VWA8: variants seen among roughly 807,000 people sequenced by gnomAD.
VWA8 encodes von Willebrand factor A domain-containing protein 8.
VWA8 carries 221 observed loss-of-function variants against 241.5 expected under a neutral mutation model. The observed-to-expected ratio is 0.91, with a 90% CI of 0.82 to 1.02. The LOEUF (loss-of-function observed/expected upper bound fraction) is 1.02, where lower values mean the gene tolerates loss of function less well. VWA8 is among the 50% of genes least tolerant of loss of function. The pLI, the probability that VWA8 is intolerant of heterozygous loss-of-function variation, is 0.00. For missense variants in VWA8, 2,322 were observed against 2,328.7 expected, an observed-to-expected ratio of 1.00 and a Z score of 0.06; for synonymous variants, 852 against 827.1, an observed-to-expected ratio of 1.03 and a Z score of -0.52.
chr13:41,929,048 A>C (rs535372185), intron 2 of VWA8, among the ~76,000 whole-genome samples: 1 of 152,266 alleles, frequency 6.6e-6, no homozygotes, highest in Non-Finnish European at 1.5e-5. Context: ...ACAGATAGAA[A>C]AAACAATCCT....
chr13:41,949,682 A>G (rs1218333463), intron 2 of VWA8, among the ~76,000 whole-genome samples: 1 of 152,172 alleles, frequency 6.6e-6, no homozygotes, highest in Admixed American at 6.5e-5. Flanking sequence ...TAAAAAAGAA[A>G]CAGTAGGATG....
intron 2 of VWA8, among the ~76,000 whole-genome samples, chr13:41,915,293 C>T (rs8002188): frequency 0.021 from 3,151 of 152,302 alleles, 110 homozygotes; most frequent in African/African-American, 0.069. Context: ...TGCCTTAAGG[C>T]ACATCTGACT....
At chr13:41,622,225 G>A (rs542164828) in intron 37 of VWA8, among the ~76,000 whole-genome samples, 2 of 152,246 alleles carry the variant, frequency 1.3e-5, no homozygotes, top group South Asian at 4.1e-4. Flanking sequence ...ATGCAAGTCA[G>A]GAATTCTAGG....
intron 2 of VWA8, chr13:41,925,824 T>C: frequency 3.4e-6 from 1 of 290,098 alleles, no homozygotes; most frequent in Non-Finnish European, 7.0e-6. Context: ...AAATCAACAC[T>C]ACAAGATCCA....
At chr13:41,741,782 C>A (rs1037213152) in intron 21 of VWA8, among the ~76,000 whole-genome samples, 2 of 152,126 alleles carry the variant, frequency 1.3e-5, no homozygotes, top group Admixed American at 6.5e-5. Flanking sequence ...AGTTCACAGA[C>A]CCTAATCCTG....
intron 43 of VWA8, among the ~76,000 whole-genome samples, chr13:41,573,272 G>T (rs1246094225): frequency 6.6e-6 from 1 of 150,888 alleles, no homozygotes; most frequent in East Asian, 1.9e-4. Flanking sequence ...ACAAAAATTG[G>T]CCGGGCATGG....
intron 39 of VWA8, 140 bp from the exon 40 acceptor site, chr13:41,605,416 G>A (rs1236081695): frequency 2.7e-6 from 2 of 732,906 alleles, no homozygotes; most frequent in Admixed American, 2.6e-5. Flanking sequence ...AAGAAGTGAT[G>A]TCTCCAGCTG....
intron 2 of VWA8, among the ~76,000 whole-genome samples, chr13:41,921,054 C>T (rs1028337559): frequency 2.0e-5 from 3 of 152,122 alleles, no homozygotes; most frequent in Middle Eastern, 3.2e-3. Context: ...ACTGGCAAAC[C>T]AAAAACAGCA....
intron 17 of VWA8, among the ~76,000 whole-genome samples, chr13:41,810,328 T>C (rs1316995451): frequency 6.6e-6 from 1 of 152,136 alleles, no homozygotes; most frequent in Non-Finnish European, 1.5e-5. Flanking sequence ...TGTGCTACCA[T>C]GTTTATTGAA....
chr13:41,568,330 A>C (rs377096731), intron 44 of VWA8, 25 bp from the exon 45 acceptor site: 5 of 1,601,242 alleles, frequency 3.1e-6, no homozygotes, highest in Non-Finnish European at 4.3e-6. Flanking sequence ...AGGGAAAGGA[A>C]GTTACCACTG....
At position 41,605,277 on chromosome 13, in the gene VWA8, C is replaced by T. The variant is rs779289324; in HGVS notation, c.4878-1G>A. 1 of 1,612,498 alleles carries T rather than the reference C, an allele frequency of 6.2e-7. No homozygotes were observed. The highest frequency in any genetic ancestry group is 8.5e-7 in the Non-Finnish European group (1 of 1,179,078). On this transcript the variant is annotated splice_acceptor_variant, in intron 39 of 44. Transcript: ENST00000379310. LOFTEE classifies it high-confidence loss of function. ...TTCACTCATTTGGATCTCCTTTAGC[C>T]TGAAATCAGAAGAGTATAAAAAGTT... is the stretch of plus-strand genomic sequence containing the variant.
chr13:41,671,050 C>A lies in VWA8; in HGVS notation c.4507G>T (p.Asp1503Tyr). The A allele has an allele frequency of 6.2e-7, 1 of 1,613,970 alleles. No homozygotes were observed. Among genetic ancestry groups the A allele is most frequent in the South Asian group, 1.1e-5 (1 of 91,082 alleles). Residue 1503 changes from aspartate to tyrosine, a missense_variant, in exon 37 of 45, where the codon GAT (aspartate) becomes TAT (tyrosine). Coordinates refer to ENST00000379310, the MANE Select transcript of VWA8 (RefSeq NM_015058.2). ...EWDKSGVVTV[D>Y]MGGHIRLWET... ...CAAAGCCTGATGTGACCTCCCATAT[C>A]AACAGTAACAACACCGCTTTTGTCC...
At chr13:41,942,527 T>C (rs998601007) in intron 2 of VWA8, among the ~76,000 whole-genome samples, 1 of 152,136 alleles carries the variant, frequency 6.6e-6, no homozygotes, top group African/African-American at 2.4e-5. Context: ...AACTGAACTT[T>C]CAGCAAACTT....
chr13:41,702,110 C>G (rs780020225), intron 27 of VWA8, among the ~76,000 whole-genome samples: 5 of 152,088 alleles, frequency 3.3e-5, no homozygotes, highest in Admixed American at 6.5e-5. Context: ...TAAATATAAG[C>G]AGAGGAGCTA....
At chr13:41,661,758 C>CTAT (rs1454935407) in intron 37 of VWA8, among the ~76,000 whole-genome samples, 1 of 152,022 alleles carries the variant, frequency 6.6e-6, no homozygotes, top group East Asian at 1.9e-4. Flanking sequence ...GCATTGTATA[C>CTAT]TATTATTACT....
At chr13:41,577,159 G>A (rs1294965770) in intron 42 of VWA8, among the ~76,000 whole-genome samples, 1 of 152,212 alleles carries the variant, frequency 6.6e-6, no homozygotes, top group Admixed American at 6.5e-5. Context: ...AGGCTTTAAA[G>A]GCCCTTTGGC....
rs756836775 is a variant in VWA8 at position 41,729,554 on chromosome 13, G to A, written c.2626C>T (p.Arg876Cys). The A allele has an allele frequency of 1.9e-5, 30 of 1,611,516 alleles. No homozygotes were observed. Among genetic ancestry groups the A allele is most frequent in the Middle Eastern group, 1.7e-4 (1 of 6,046 alleles). The change falls in exon 23 of 45, where the codon CGC (arginine) becomes TGC (cysteine). Residue 876 changes from arginine to cysteine, a missense_variant. Physicochemically the swap from Arg to Cys is radical, Grantham distance 180. Coordinates refer to ENST00000379310, the MANE Select transcript of VWA8 (RefSeq NM_015058.2). Reference protein sequence around the residue: ...NGEMILADGRRIVANSANVNG... With the variant: ...NGEMILADGRCIVANSANVNG... ...CTAAAATACTCACTTGCAACAATGC[G>A]TCTTCCATCTGCTAGAATCATTTCT... is the stretch of plus-strand genomic sequence containing the variant.
chr13:41,676,956 C>CA lies in VWA8; in HGVS notation c.4328-1661dup, dbSNP rs201423278. Among the ~76,000 whole-genome samples, 436 of 150,502 alleles carry CA rather than the reference C, an allele frequency of 2.9e-3. 3 individuals carry two copies. The highest frequency in any genetic ancestry group is 0.015 in the South Asian group (71 of 4,748). Reference sequence around the variant, plus strand: ...CCTGTTCTGCTGTTTTTATGTTTCTCAAAAAAAAATCTTCTTTCAAAAATG... The same window carrying CA: ...CCTGTTCTGCTGTTTTTATGTTTCTCAAAAAAAAAATCTTCTTTCAAAAATG... On this transcript the variant is annotated intron_variant, in intron 35 of 44. Transcript: ENST00000379310.
In VWA8 at chr13:41,856,838, T is replaced by TAAA. The variant is rs550321490; in HGVS notation, c.1425+8895_1425+8897dup. On this transcript the variant is annotated intron_variant, in intron 12 of 44. Coordinates refer to ENST00000379310, the MANE Select transcript of VWA8 (RefSeq NM_015058.2). ...GGCCTTGTCTCAAAAAAATGAAAAT[T>TAAA]AAAAAAAAAAAAAAAAGAAAGAAAC... Among the ~76,000 whole-genome samples the TAAA allele has an allele frequency of 3.0e-5, 4 of 132,478 alleles. No homozygotes were observed. The South Asian group carries it at 7.0e-4, about 23-fold the overall frequency. The allele number at this position is 132,478 out of a possible 152,430, so 86.9% of individuals were successfully genotyped here.
Sources: allele counts gnomAD v4.1 joint callset (sites outside exome capture counted in the v4.1 genomes callset), GRCh38; gene constraint gnomAD v4.1.1; transcripts MANE v1.5; gene names NCBI Gene and HGNC (gene_info 2026-07-23, HGNC 2026-07-21).